CCDC102B: variants seen among roughly 807,000 people sequenced by gnomAD.
CCDC102B encodes coiled-coil domain containing 102B.
CCDC102B carries 75 observed loss-of-function variants against 57.4 expected under a neutral mutation model. That is an observed-to-expected ratio of 1.31 (90% CI 1.08 to 1.58). The LOEUF (loss-of-function observed/expected upper bound fraction) is 1.58, where lower values mean the gene tolerates loss of function less well. Among genes scored for constraint, CCDC102B ranks in the 40% most tolerant of loss-of-function variants. The pLI is 0.00. For synonymous variants in CCDC102B, 206 were observed against 201.9 expected (o/e 1.02, Z -0.17); for missense variants, 636 against 582.6 (o/e 1.09, Z -0.94).
intron 2 of CCDC102B, among the ~76,000 whole-genome samples, chr18:68,792,380 C>CTT (rs1021014216): frequency 2.3e-4 from 35 of 152,240 alleles, no homozygotes; most frequent in African/African-American, 7.7e-4. Context: ...AGACCATGAC[C>CTT]ATAAAGCTAC....
intron 7 of CCDC102B, among the ~76,000 whole-genome samples, chr18:69,012,476 T>A (rs1447876300): frequency 6.6e-6 from 1 of 152,084 alleles, no homozygotes; most frequent in Admixed American, 6.5e-5. Context: ...GAGGGTAACA[T>A]TATTTGTTCC....
At chr18:68,970,384 T>C (rs550760959) in intron 6 of CCDC102B, among the ~76,000 whole-genome samples, 1 of 152,188 alleles carries the variant, frequency 6.6e-6, no homozygotes, top group Non-Finnish European at 1.5e-5. Context: ...TCATTTAAAA[T>C]ATTTGTCCAT....
At chr18:69,010,759 A>G (rs1319937321) in intron 6 of CCDC102B, among the ~76,000 whole-genome samples, 175 bp from the exon 7 acceptor site, 1 of 152,216 alleles carries the variant, frequency 6.6e-6, no homozygotes, top group Non-Finnish European at 1.5e-5. Context: ...TCTTTCATTT[A>G]TAGTCATATA....
intron 6 of CCDC102B, among the ~76,000 whole-genome samples, chr18:68,965,812 T>C (rs780073521): frequency 6.6e-6 from 1 of 152,146 alleles, no homozygotes; most frequent in Non-Finnish European, 1.5e-5. Flanking sequence ...TGATGAAATC[T>C]GGATCATATT....
intron 7 of CCDC102B, among the ~76,000 whole-genome samples, chr18:69,027,802 T>C (rs1472119690): frequency 6.6e-6 from 1 of 152,198 alleles, no homozygotes; most frequent in Non-Finnish European, 1.5e-5. Context: ...ACCACTGGTG[T>C]TTAAATGATG....
chr18:68,747,166 T>G (rs949698273), intron 2 of CCDC102B, among the ~76,000 whole-genome samples: 2 of 151,248 alleles, frequency 1.3e-5, no homozygotes, highest in African/African-American at 4.9e-5. Context: ...TGTAGAACAC[T>G]AGAACTCATT....
intron 5 of CCDC102B, among the ~76,000 whole-genome samples, chr18:68,887,131 G>T (rs1237016477): frequency 1.3e-5 from 2 of 152,120 alleles, no homozygotes; most frequent in African/African-American, 4.8e-5. Context: ...AGTAGAAACA[G>T]TTGTCATTGT....
At chr18:68,809,940 G>A (rs1005424069) in intron 1 of CCDC102B, among the ~76,000 whole-genome samples, 1 of 152,058 alleles carries the variant, frequency 6.6e-6, no homozygotes, top group African/African-American at 2.4e-5. Context: ...TTTGTTTCAC[G>A]TGAGTTACTG....
At chr18:68,805,245 A>G (rs1412882119) in intron 1 of CCDC102B, among the ~76,000 whole-genome samples, 3 of 152,178 alleles carry the variant, frequency 2.0e-5, no homozygotes, top group Non-Finnish European at 2.9e-5. Flanking sequence ...AATGTATGGG[A>G]TTATTCAGTA....
At chr18:68,717,420 G>A (rs1009197267) in intron 2 of CCDC102B, among the ~76,000 whole-genome samples, 2 of 152,106 alleles carry the variant, frequency 1.3e-5, no homozygotes. Context: ...GGTGTATTGA[G>A]TTAATTAAAT....
intron 6 of CCDC102B, among the ~76,000 whole-genome samples, chr18:68,944,160 G>A (rs1315024479): frequency 2.6e-5 from 4 of 152,090 alleles, no homozygotes; most frequent in Non-Finnish European, 5.9e-5. Context: ...TGGGTAAGGA[G>A]CTCTTAATGT....
chr18:69,054,079 A>G lies in CCDC102B; in HGVS notation c.1484A>G (p.Glu495Gly). Residue 495 changes from glutamate (E) to glycine (G), a missense_variant, in exon 8 of 8, where the codon GAA (glutamate) becomes GGA (glycine). By Grantham distance (98) the Glu-to-Gly change is moderately conservative. Transcript: ENST00000360242. ...CGTAAGCTCCAGAGGTCTCTGGATG[A>G]AGAGAAAGAAAGAAATGAAAACTTA... ...QIRKLQRSLD[E>G]EKERNENLET... The G allele has an allele frequency of 1.2e-6, 2 of 1,606,984 alleles. No individual in the cohort carries two copies. The highest frequency in any genetic ancestry group is 2.7e-5 in the African/African-American group (2 of 74,590).
intron 6 of CCDC102B, among the ~76,000 whole-genome samples, chr18:68,957,986 G>T (rs2049947022): frequency 6.6e-6 from 1 of 152,174 alleles, no homozygotes; most frequent in African/African-American, 2.4e-5. Context: ...ACAAAAGAGA[G>T]GTTTAATGGA....
chr18:68,946,667 GT>G (rs1319831139), intron 6 of CCDC102B, among the ~76,000 whole-genome samples: 1 of 152,044 alleles, frequency 6.6e-6, no homozygotes, highest in Non-Finnish European at 1.5e-5. Context: ...ATAAAATTAT[GT>G]TTTGGGTATC....
intron 2 of CCDC102B, among the ~76,000 whole-genome samples, chr18:68,731,448 C>T (rs984587892): frequency 4.6e-5 from 7 of 151,966 alleles, no homozygotes; most frequent in Non-Finnish European, 7.4e-5. Flanking sequence ...TTCCTTCCCC[C>T]GACTTGGAAT....
intron 6 of CCDC102B, among the ~76,000 whole-genome samples, chr18:68,930,629 T>A (rs142316520): frequency 6.6e-6 from 1 of 151,922 alleles, no homozygotes; most frequent in Non-Finnish European, 1.5e-5. Flanking sequence ...GAATAACTAC[T>A]ATACTCTTCA....
At chr18:69,038,269 A>G (rs1428812055) in intron 7 of CCDC102B, among the ~76,000 whole-genome samples, 3 of 151,982 alleles carry the variant, frequency 2.0e-5, no homozygotes, top group Non-Finnish European at 4.4e-5. Flanking sequence ...TCTGCAGACT[A>G]TAATTAAACA....
chr18:68,892,705 A>G (rs189614477), intron 5 of CCDC102B, among the ~76,000 whole-genome samples: 284 of 152,334 alleles, frequency 1.9e-3, no homozygotes, highest in Non-Finnish European at 3.0e-3. Context: ...ACAAAAAATT[A>G]CTTTAAGAGA....
At chr18:68,765,324 G>GGAAGGAAA (rs1491399373) in intron 2 of CCDC102B, among the ~76,000 whole-genome samples, 179 of 60,312 alleles carry the variant, frequency 3.0e-3, no homozygotes, top group Middle Eastern at 9.8e-3. Flanking sequence ...AAGGAAGGAA[G>GGAAGGAAA]GAAAGAAAGA....
Sources: allele counts gnomAD v4.1 joint callset (sites outside exome capture counted in the v4.1 genomes callset), GRCh38; gene constraint gnomAD v4.1.1; transcripts MANE v1.5; gene names NCBI Gene and HGNC (gene_info 2026-07-23, HGNC 2026-07-21).